Variants in NTRK3 observed in about 807,000 individuals in gnomAD.
The protein encoded by NTRK3 is neurotrophic receptor tyrosine kinase 3.
NTRK3 carries 24 observed loss-of-function variants against 91.7 expected under a neutral mutation model. The observed-to-expected ratio is 0.26, with a 90% CI of 0.19 to 0.37. The LOEUF (loss-of-function observed/expected upper bound fraction) is 0.37, where lower values mean the gene tolerates loss of function less well. Ranked by LOEUF, NTRK3 falls within the 10% of genes least tolerant of loss-of-function variation. The pLI, the probability that NTRK3 is intolerant of heterozygous loss-of-function variation, is 1.00. For missense variants in NTRK3, 880 were observed against 1,068.9 expected, an observed-to-expected ratio of 0.82 and a Z score of 2.46; for synonymous variants, 483 against 404.0, an observed-to-expected ratio of 1.20 and a Z score of -2.34.
At chr15:88,094,641 G>GA (rs1375684195) in intron 13 of NTRK3, among the ~76,000 whole-genome samples, 2 of 152,142 alleles carry the variant, frequency 1.3e-5, no homozygotes, top group East Asian at 3.9e-4. Flanking sequence ...ATGACATGTA[G>GA]AATGTGAGCC....
intron 13 of NTRK3, among the ~76,000 whole-genome samples, chr15:88,051,473 T>C (rs1210141485): frequency 2.6e-5 from 4 of 152,210 alleles, no homozygotes; most frequent in Non-Finnish European, 5.9e-5. Context: ...TTATTCCTCT[T>C]GACTAAGAAA....
chr15:87,989,745 T>G (rs901455084), intron 14 of NTRK3, among the ~76,000 whole-genome samples: 1 of 152,138 alleles, frequency 6.6e-6, no homozygotes, highest in African/African-American at 2.4e-5. Flanking sequence ...TAGCTGGGAT[T>G]ACAGGTGCAC....
At chr15:87,946,473 C>T (rs1258020875) in intron 14 of NTRK3, among the ~76,000 whole-genome samples, 2 of 152,180 alleles carry the variant, frequency 1.3e-5, no homozygotes, top group African/African-American at 2.4e-5. Context: ...TTTGCTACCT[C>T]GGTGCTTTGG....
chr15:87,996,195 G>T (rs964400260), intron 14 of NTRK3, among the ~76,000 whole-genome samples: 3 of 152,146 alleles, frequency 2.0e-5, no homozygotes, highest in African/African-American at 7.2e-5. Flanking sequence ...AGTGAGGTGA[G>T]ATCGCACCAC....
At chr15:88,183,633 C>T in intron 4 of NTRK3, 144 bp from the exon 5 acceptor site, 1 of 815,742 alleles carries the variant, frequency 1.2e-6, no homozygotes. Flanking sequence ...CCAGTTATCA[C>T]AGGTGGCCTG....
intron 14 of NTRK3, among the ~76,000 whole-genome samples, chr15:87,987,814 C>G (rs919533930): frequency 8.6e-5 from 13 of 151,622 alleles, no homozygotes; most frequent in Non-Finnish European, 1.6e-4. Context: ...ACGTTTAGGG[C>G]TGGACGTGGC....
At chr15:88,086,885 CT>C (rs1332790035) in intron 13 of NTRK3, among the ~76,000 whole-genome samples, 1 of 152,176 alleles carries the variant, frequency 6.6e-6, no homozygotes, top group Non-Finnish European at 1.5e-5. Context: ...AAGGAGGGAG[CT>C]TTTCAGTGGG....
At chr15:88,054,579 T>C (rs2045520674) in intron 13 of NTRK3, among the ~76,000 whole-genome samples, 1 of 152,076 alleles carries the variant, frequency 6.6e-6, no homozygotes, top group Non-Finnish European at 1.5e-5. Flanking sequence ...AGAACAGAAA[T>C]AGCAAAATAT....
At chr15:88,126,568 C>A (rs1311590557) in intron 12 of NTRK3, among the ~76,000 whole-genome samples, 195 bp from the exon 13 acceptor site, 1 of 152,126 alleles carries the variant, frequency 6.6e-6, no homozygotes, top group Non-Finnish European at 1.5e-5. Flanking sequence ...ATATAAATTA[C>A]CCAATTTGAT....
intron 17 of NTRK3, among the ~76,000 whole-genome samples, chr15:87,910,480 G>C (rs756778827): frequency 1.3e-4 from 20 of 152,232 alleles, no homozygotes; most frequent in Non-Finnish European, 2.4e-4. Context: ...GGAGGCCATG[G>C]TGAGTTTTAT....
intron 6 of NTRK3, among the ~76,000 whole-genome samples, chr15:88,141,083 C>T (rs532121946): frequency 4.6e-5 from 7 of 152,072 alleles, no homozygotes; most frequent in Non-Finnish European, 7.4e-5. Flanking sequence ...GGACACATTA[C>T]GAATGAGGTT....
intron 14 of NTRK3, among the ~76,000 whole-genome samples, chr15:88,005,237 T>C (rs1049881683): frequency 6.6e-6 from 1 of 152,180 alleles, no homozygotes; most frequent in Non-Finnish European, 1.5e-5. Flanking sequence ...GCTGCCATGC[T>C]TTCCTGAGTA....
chr15:88,218,482 C>A (rs1313480048), intron 3 of NTRK3, among the ~76,000 whole-genome samples: 1 of 152,184 alleles, frequency 6.6e-6, no homozygotes, highest in Non-Finnish European at 1.5e-5. Context: ...GATAATAATG[C>A]TCATCAACTA....
Position 88,250,464 on chromosome 15 carries a change from A to T in NTRK3, c.248+5442T>A, listed in dbSNP as rs142959902. Among the ~76,000 whole-genome samples the T allele has an allele frequency of 1.8e-4, 27 of 152,370 alleles. No homozygotes were observed. The East Asian group carries it at 4.0e-3, about 23-fold the overall frequency. ...GATGGGGGCATTCGTGGAGATGAAG[A>T]ATTTGCTACACAAGGATAAGAAGGT... On this transcript the variant is annotated intron_variant, in intron 3 of 18. Transcript: ENST00000394480.
At chr15:88,015,497 T>G (rs2077172164) in intron 14 of NTRK3, among the ~76,000 whole-genome samples, 1 of 151,904 alleles carries the variant, frequency 6.6e-6, no homozygotes, top group South Asian at 2.1e-4. Flanking sequence ...GCGTCCTAGC[T>G]CAAACACTCT....
intron 5 of NTRK3, among the ~76,000 whole-genome samples, chr15:88,182,316 AC>A (rs2046548497): frequency 6.6e-6 from 1 of 151,980 alleles, no homozygotes; most frequent in Admixed American, 6.5e-5. Context: ...AAAAGAAAAA[AC>A]AACTCCTCCA....
At chr15:88,084,842 T>G (rs1299529330) in intron 13 of NTRK3, among the ~76,000 whole-genome samples, 1 of 152,216 alleles carries the variant, frequency 6.6e-6, no homozygotes, top group Non-Finnish European at 1.5e-5. Context: ...TGAGAGCCAC[T>G]GTAAGCTCTG....
intron 13 of NTRK3, among the ~76,000 whole-genome samples, chr15:88,086,901 G>C (rs1258793223): frequency 6.6e-6 from 1 of 152,164 alleles, no homozygotes; most frequent in East Asian, 1.9e-4. Flanking sequence ...AGTGGGCCAA[G>C]CCTAATTGAA....
At chr15:88,203,979 CATTT>C (rs1362722052) in intron 3 of NTRK3, among the ~76,000 whole-genome samples, 1 of 152,176 alleles carries the variant, frequency 6.6e-6, no homozygotes, top group Non-Finnish European at 1.5e-5. Flanking sequence ...CCATCATCTA[CATTT>C]TAAGCCTCAC....
Sources: gnomAD v4.1 joint callset for allele counts (sites outside exome capture counted in the v4.1 genomes callset) on GRCh38, gnomAD v4.1.1 for gene constraint, MANE v1.5 for transcripts, NCBI Gene and HGNC (gene_info 2026-07-23, HGNC 2026-07-21) for gene names.